The following SLIT3 variants were observed in gnomAD, a reference collection of about 807,000 sequenced individuals.
SLIT3 encodes the protein slit guidance ligand 3.
A neutral mutation model predicts 184.0 loss-of-function variants in SLIT3; 68 were observed. The ratio of observed to expected loss-of-function variants is 0.37; its 90% CI spans 0.30 to 0.45. The LOEUF (loss-of-function observed/expected upper bound fraction) is 0.45, where lower values mean the gene tolerates loss of function less well. Among genes scored for constraint, SLIT3 ranks in the 20% least tolerant of loss-of-function variants. SLIT3 has a pLI of 1.00. For synonymous variants in SLIT3, 831 were observed against 828.6 expected, an observed-to-expected ratio of 1.00 and a Z score of -0.05; for missense variants, 1,707 against 2,026.0, an observed-to-expected ratio of 0.84 and a Z score of 3.02.
At chr5:168,874,111 AAAC>A (rs1425287718) in intron 5 of SLIT3, among the ~76,000 whole-genome samples, 5 of 152,170 alleles carry the variant, frequency 3.3e-5, no homozygotes, top group Non-Finnish European at 7.3e-5. Context: ...TGCCTGTTTT[AAAC>A]AACTTGCTTG....
chr5:169,137,729 G>T (rs1027553613), intron 4 of SLIT3, among the ~76,000 whole-genome samples: 5 of 151,622 alleles, frequency 3.3e-5, no homozygotes, highest in Admixed American at 3.3e-4. Context: ...CAGAAACCTA[G>T]GGTGACCAAC....
At chr5:169,064,916 G>A (rs1484422080) in intron 4 of SLIT3, among the ~76,000 whole-genome samples, 1 of 152,112 alleles carries the variant, frequency 6.6e-6, no homozygotes, top group Non-Finnish European at 1.5e-5. Flanking sequence ...CTTTTCCCTG[G>A]CAGTTTCGAA....
chr5:168,817,882 G>A (rs1757389275), intron 7 of SLIT3, among the ~76,000 whole-genome samples: 1 of 152,056 alleles, frequency 6.6e-6, no homozygotes, highest in Non-Finnish European at 1.5e-5. Flanking sequence ...CAATCTCAAT[G>A]CCCCCATCTC....
intron 20 of SLIT3, among the ~76,000 whole-genome samples, chr5:168,741,593 A>G (rs927221102): frequency 6.6e-6 from 1 of 152,142 alleles, no homozygotes; most frequent in African/African-American, 2.4e-5. Context: ...ATGAGACACA[A>G]TTGCTGCTCT....
At chr5:169,046,342 C>T (rs933536992) in intron 4 of SLIT3, among the ~76,000 whole-genome samples, 9 of 152,106 alleles carry the variant, frequency 5.9e-5, no homozygotes, top group African/African-American at 2.2e-4. Context: ...ATGAAACATT[C>T]CTAAATTAAC....
intron 4 of SLIT3, among the ~76,000 whole-genome samples, chr5:168,982,994 TTA>T (rs762724160): frequency 6.6e-5 from 10 of 152,216 alleles, no homozygotes; most frequent in Non-Finnish European, 1.3e-4. Context: ...TGAAACATTT[TTA>T]GTTTCTTTTG....
At chr5:169,057,163 T>C (rs1194062889) in intron 4 of SLIT3, among the ~76,000 whole-genome samples, 2 of 152,232 alleles carry the variant, frequency 1.3e-5, no homozygotes, top group Admixed American at 6.5e-5. Flanking sequence ...CTCCCACATG[T>C]GACCTAGGGA....
At chr5:168,949,385 A>G (rs1762578245) in intron 4 of SLIT3, among the ~76,000 whole-genome samples, 1 of 152,160 alleles carries the variant, frequency 6.6e-6, no homozygotes, top group Admixed American at 6.5e-5. Context: ...GGTATGTCAT[A>G]CACATGTGGT....
intron 4 of SLIT3, among the ~76,000 whole-genome samples, chr5:168,888,683 G>A (rs1760319979): frequency 6.6e-6 from 1 of 152,162 alleles, no homozygotes; most frequent in African/African-American, 2.4e-5. Context: ...TCTGCACTGA[G>A]ACCAATGTGG....
chr5:169,139,257 C>T (rs1343664316), intron 4 of SLIT3, among the ~76,000 whole-genome samples: 1 of 152,214 alleles, frequency 6.6e-6, no homozygotes, highest in African/African-American at 2.4e-5. Context: ...AGGTTTGGTC[C>T]TTGTCCTCAA....
chr5:169,125,871 C>A (rs148689843), intron 4 of SLIT3, among the ~76,000 whole-genome samples: 1 of 152,316 alleles, frequency 6.6e-6, no homozygotes, highest in East Asian at 1.9e-4. Context: ...GAGCAAAGTT[C>A]TTTATCTTTC....
intron 4 of SLIT3, among the ~76,000 whole-genome samples, chr5:169,186,178 G>A (rs189143656): frequency 6.2e-4 from 95 of 152,238 alleles, no homozygotes; most frequent in African/African-American, 2.1e-3. Flanking sequence ...AACCATATTG[G>A]AGATCAGGTT....
intron 4 of SLIT3, among the ~76,000 whole-genome samples, chr5:168,912,776 A>G (rs949068038): frequency 1.3e-5 from 2 of 152,102 alleles, no homozygotes; most frequent in Non-Finnish European, 2.9e-5. Flanking sequence ...GCTGGGCTAT[A>G]AACCCATCTC....
At chr5:168,830,071 T>C (rs1032343082) in intron 6 of SLIT3, among the ~76,000 whole-genome samples, 1 of 152,224 alleles carries the variant, frequency 6.6e-6, no homozygotes, top group East Asian at 1.9e-4. Flanking sequence ...CTACTGCTGA[T>C]GACCAGGCCC....
chr5:169,223,352 C>A (rs1167212456), intron 3 of SLIT3, among the ~76,000 whole-genome samples: 1 of 152,188 alleles, frequency 6.6e-6, no homozygotes, highest in Non-Finnish European at 1.5e-5. Context: ...GAGTTGGGGA[C>A]CTTTCCTTTT....
chr5:169,095,401 CCAGT>C lies in SLIT3; in HGVS notation c.413+98074_413+98077del, dbSNP rs575314603. 3.3e-5 allele frequency among the ~76,000 whole-genome samples: 5 copies of C among 152,260 alleles called. No homozygotes were observed. The East Asian group carries it at 7.7e-4, about 24-fold the overall frequency. On this transcript the variant is annotated intron_variant, in intron 4 of 35. Transcript: ENST00000519560. ...AATGAAAAAATCCAAATCCAATTGC[CCAGT>C]CAGTTTTAGGAAGCCCTGAGAAGCA...
At chr5:169,062,769 G>T (rs1410204810) in intron 4 of SLIT3, among the ~76,000 whole-genome samples, 3 of 152,192 alleles carry the variant, frequency 2.0e-5, no homozygotes, top group Non-Finnish European at 4.4e-5. Flanking sequence ...CCCTGGCTCA[G>T]AGTTGGGTCC....
At chr5:168,748,038 GGGTAT>G in intron 20 of SLIT3, among the ~76,000 whole-genome samples, 1 of 152,222 alleles carries the variant, frequency 6.6e-6, no homozygotes, top group African/African-American at 2.4e-5. Flanking sequence ...CTTATACTCA[GGGTAT>G]CTTTAGGAAT....
At chr5:169,092,825 A>G (rs1177831008) in intron 4 of SLIT3, among the ~76,000 whole-genome samples, 1 of 152,050 alleles carries the variant, frequency 6.6e-6, no homozygotes, top group Non-Finnish European at 1.5e-5. Flanking sequence ...AATTCTTCAG[A>G]TCTCCGGCAA....
Sources: allele counts gnomAD v4.1 joint callset (sites outside exome capture counted in the v4.1 genomes callset), GRCh38; gene constraint gnomAD v4.1.1; transcripts MANE v1.5; gene names NCBI Gene and HGNC (gene_info 2026-07-23, HGNC 2026-07-21).